Variants in MACROD2 observed in about 807,000 individuals in gnomAD.
MACROD2 encodes the protein mono-ADP ribosylhydrolase 2.
A neutral mutation model predicts 70.4 loss-of-function variants in MACROD2; 36 were observed. That is an observed-to-expected ratio of 0.51 (90% CI 0.39 to 0.68). The LOEUF (loss-of-function observed/expected upper bound fraction) is 0.68, where lower values mean the gene tolerates loss of function less well. Among genes scored for constraint, MACROD2 ranks in the 30% least tolerant of loss-of-function variants. The pLI, the probability that MACROD2 is intolerant of heterozygous loss-of-function variation, is 0.00. For synonymous variants in MACROD2, 172 were observed against 178.8 expected (o/e 0.96, Z 0.30); for missense variants, 496 against 538.4 (o/e 0.92, Z 0.78).
chr20:14,105,752 T>A (rs1393531834), intron 3 of MACROD2, among the ~76,000 whole-genome samples: 1 of 152,090 alleles, frequency 6.6e-6, no homozygotes, highest in African/African-American at 2.4e-5. Context: ...TTCTTTCTAC[T>A]TGAGGAGAGG....
intron 8 of MACROD2, among the ~76,000 whole-genome samples, chr20:15,748,092 T>C (rs2051211890): frequency 6.6e-6 from 1 of 152,166 alleles, no homozygotes; most frequent in African/African-American, 2.4e-5. Context: ...CTGTCTGCCA[T>C]GCTAGTTCTG....
intron 6 of MACROD2, among the ~76,000 whole-genome samples, chr20:15,277,405 A>T (rs1443003134): frequency 1.3e-5 from 2 of 152,194 alleles, no homozygotes; most frequent in African/African-American, 4.8e-5. Context: ...TGAGGTTTTA[A>T]CCTTGAATAA....
intron 5 of MACROD2, among the ~76,000 whole-genome samples, chr20:14,864,657 C>G (rs1016980884): frequency 3.9e-5 from 6 of 152,002 alleles, no homozygotes; most frequent in African/African-American, 1.4e-4. Context: ...CTTATAAACA[C>G]TTGTAGGCCA....
chr20:15,202,648 C>G (rs547185722), intron 5 of MACROD2, among the ~76,000 whole-genome samples: 1 of 152,336 alleles, frequency 6.6e-6, no homozygotes, highest in African/African-American at 2.4e-5. Flanking sequence ...AATGACCTAT[C>G]TTGCTGGGTT....
At chr20:15,670,690 G>T (rs1272125514) in intron 8 of MACROD2, among the ~76,000 whole-genome samples, 1 of 152,118 alleles carries the variant, frequency 6.6e-6, no homozygotes, top group East Asian at 1.9e-4. Flanking sequence ...AGAAATCCTA[G>T]GGCAGCGACC....
At chr20:14,152,880 A>G (rs2055044627) in intron 3 of MACROD2, among the ~76,000 whole-genome samples, 1 of 152,204 alleles carries the variant, frequency 6.6e-6, no homozygotes, top group Admixed American at 6.5e-5. Flanking sequence ...ATTTTTACCT[A>G]TCGTTAAGCA....
intron 7 of MACROD2, among the ~76,000 whole-genome samples, chr20:15,449,413 G>A (rs2046611379): frequency 1.3e-5 from 2 of 152,112 alleles, no homozygotes; most frequent in Non-Finnish European, 2.9e-5. Context: ...AATCATTAAA[G>A]TGAGATACGC....
chr20:14,383,536 G>A (rs1376638107), intron 3 of MACROD2, among the ~76,000 whole-genome samples: 2 of 152,130 alleles, frequency 1.3e-5, no homozygotes, highest in African/African-American at 2.4e-5. Flanking sequence ...GAGGACTGAC[G>A]ATGCTAGCCA....
intron 3 of MACROD2, among the ~76,000 whole-genome samples, chr20:14,270,514 G>C (rs756235845): frequency 1.3e-5 from 2 of 151,790 alleles, no homozygotes; most frequent in Non-Finnish European, 2.9e-5. Flanking sequence ...GCTTGAACCC[G>C]GGAGGCTCAG....
intron 3 of MACROD2, among the ~76,000 whole-genome samples, chr20:14,264,205 C>G (rs2082124550): frequency 6.6e-6 from 1 of 152,032 alleles, no homozygotes; most frequent in African/African-American, 2.4e-5. Flanking sequence ...CTGGACGTAC[C>G]AGGAATACAT....
chr20:14,438,502 T>C (rs2084084381), intron 3 of MACROD2, among the ~76,000 whole-genome samples: 1 of 152,214 alleles, frequency 6.6e-6, no homozygotes, highest in Non-Finnish European at 1.5e-5. Flanking sequence ...TTTTCCATAA[T>C]GGCTGTAGCA....
chr20:15,579,555 G>T (rs55995347), intron 8 of MACROD2, among the ~76,000 whole-genome samples: 4,476 of 152,268 alleles, frequency 0.029, 120 homozygotes, highest in Non-Finnish European at 0.041. Flanking sequence ...ACTGAGGGGA[G>T]CCCTCAGGAT....
At chr20:14,626,118 C>T (rs1018626572) in intron 4 of MACROD2, among the ~76,000 whole-genome samples, 1 of 152,176 alleles carries the variant, frequency 6.6e-6, no homozygotes. Flanking sequence ...GCCACTGTAC[C>T]TGACCAAGTT....
chr20:15,885,740 T>G, intron 9 of MACROD2, 24 bp from the exon 10 acceptor site: 1 of 1,469,556 alleles, frequency 6.8e-7, no homozygotes, highest in Non-Finnish European at 9.0e-7. Flanking sequence ...AAGTATTTCT[T>G]TATGTTTTCC....
chr20:15,487,373 T>C (rs2047175666), intron 7 of MACROD2, among the ~76,000 whole-genome samples: 1 of 152,230 alleles, frequency 6.6e-6, no homozygotes, highest in African/African-American at 2.4e-5. Context: ...CTTGATATCT[T>C]TTGGAATGTC....
At chr20:14,768,439 A>G (rs2072120813) in intron 5 of MACROD2, among the ~76,000 whole-genome samples, 1 of 152,034 alleles carries the variant, frequency 6.6e-6, no homozygotes, top group Admixed American at 6.5e-5. Context: ...TCTCAGTTGG[A>G]CTGTGTGTAA....
At chr20:14,005,337 G>A (rs982747681) in intron 2 of MACROD2, among the ~76,000 whole-genome samples, 2 of 152,114 alleles carry the variant, frequency 1.3e-5, no homozygotes, top group Non-Finnish European at 2.9e-5. Flanking sequence ...TAATTTGCTT[G>A]CTGTTTATGT....
chr20:14,547,472 C>T (rs2085504389), intron 4 of MACROD2: 1 of 188,012 alleles, frequency 5.3e-6, no homozygotes, highest in South Asian at 1.3e-4. Context: ...GTCAACTGAG[C>T]TGCAAATCGA....
At chr20:15,130,146 T>C (rs566201717) in intron 5 of MACROD2, among the ~76,000 whole-genome samples, 1 of 152,226 alleles carries the variant, frequency 6.6e-6, no homozygotes, top group African/African-American at 2.4e-5. Flanking sequence ...AACAAGATTC[T>C]CTTGTTTAAC....
Sources: gnomAD v4.1 joint callset for allele counts (sites outside exome capture counted in the v4.1 genomes callset) on GRCh38, gnomAD v4.1.1 for gene constraint, MANE v1.5 for transcripts, NCBI Gene and HGNC (gene_info 2026-07-23, HGNC 2026-07-21) for gene names.